The following MAML2 variants were observed in gnomAD, a reference collection of about 807,000 sequenced individuals.
MAML2 encodes mastermind-like protein 2.
Under a neutral mutation model 96.1 loss-of-function variants are expected in MAML2, and 22 were observed. That is an observed-to-expected ratio of 0.23 (90% CI 0.16 to 0.33). The LOEUF is 0.33. MAML2 is among the 10% of genes least tolerant of loss of function. The probability of loss-of-function intolerance (pLI) is 1.00; values close to 1 mark genes in which losing one functional copy is unlikely to be tolerated. For synonymous variants in MAML2, 561 were observed against 521.3 expected (o/e 1.08, Z -1.04); for missense variants, 1,367 against 1,392.4 (o/e 0.98, Z 0.29).
At chr11:96,259,390 T>C (rs930724796) in intron 1 of MAML2, among the ~76,000 whole-genome samples, 1 of 152,232 alleles carries the variant, frequency 6.6e-6, no homozygotes, top group African/African-American at 2.4e-5. Context: ...CAAGTGATTC[T>C]AATGTGCTTC....
intron 2 of MAML2, among the ~76,000 whole-genome samples, chr11:95,994,663 A>G (rs1857965089): frequency 6.6e-6 from 1 of 152,142 alleles, no homozygotes; most frequent in African/African-American, 2.4e-5. Context: ...TGGAGATGGT[A>G]GTTTGCTTTC....
intron 2 of MAML2, among the ~76,000 whole-genome samples, chr11:96,088,498 T>C (rs893581311): frequency 2.0e-5 from 3 of 152,202 alleles, no homozygotes; most frequent in African/African-American, 7.2e-5. Context: ...GACTTGAAGA[T>C]AAATCAGAAA....
intron 1 of MAML2, among the ~76,000 whole-genome samples, chr11:96,107,974 T>G (rs1029137379): frequency 1.3e-5 from 2 of 152,182 alleles, no homozygotes; most frequent in Non-Finnish European, 2.9e-5. Flanking sequence ...GTTAAGTGTT[T>G]CCCTGAGTTC....
intron 2 of MAML2, among the ~76,000 whole-genome samples, chr11:96,060,960 G>A (rs1859149735): frequency 6.6e-6 from 1 of 152,184 alleles, no homozygotes; most frequent in African/African-American, 2.4e-5. Flanking sequence ...GAGAACTCAA[G>A]AGGTTTAGTG....
At chr11:96,076,154 A>G (rs1224198097) in intron 2 of MAML2, among the ~76,000 whole-genome samples, 2 of 152,216 alleles carry the variant, frequency 1.3e-5, no homozygotes, top group Non-Finnish European at 2.9e-5. Context: ...CGTTTGAAAT[A>G]TCATCAAGCT....
At chr11:96,140,410 T>C (rs1294711283) in intron 1 of MAML2, among the ~76,000 whole-genome samples, 1 of 152,198 alleles carries the variant, frequency 6.6e-6, no homozygotes, top group African/African-American at 2.4e-5. Flanking sequence ...TGGTGAGGTA[T>C]GTAGTTTTGG....
At chr11:96,167,563 T>C (rs1861214126) in intron 1 of MAML2, among the ~76,000 whole-genome samples, 1 of 152,106 alleles carries the variant, frequency 6.6e-6, no homozygotes, top group Non-Finnish European at 1.5e-5. Context: ...CCATCACCCC[T>C]CTCCCAGGCA....
intron 1 of MAML2, among the ~76,000 whole-genome samples, chr11:96,112,334 T>C (rs200214716): frequency 2.0e-5 from 3 of 152,316 alleles, no homozygotes; most frequent in East Asian, 1.9e-4. Context: ...TCAGCAGCCA[T>C]GTTGTGTGGC....
At chr11:96,334,752 C>T (rs1006185980) in intron 1 of MAML2, among the ~76,000 whole-genome samples, 1 of 152,226 alleles carries the variant, frequency 6.6e-6, no homozygotes, top group Non-Finnish European at 1.5e-5. Flanking sequence ...CCCATGCATA[C>T]AATCTTGACG....
chr11:96,122,500 GTGTGTGTGT>G (rs1565221696), intron 1 of MAML2, among the ~76,000 whole-genome samples: 6 of 86,406 alleles, frequency 6.9e-5, no homozygotes, highest in East Asian at 3.1e-4. Context: ...TAGGCTGGGT[GTGTGTGTGT>G]GTGTGTGTGT....
At chr11:96,107,661 GT>G (rs1374412929) in intron 1 of MAML2, among the ~76,000 whole-genome samples, 1 of 152,218 alleles carries the variant, frequency 6.6e-6, no homozygotes, top group Non-Finnish European at 1.5e-5. Flanking sequence ...CTGATGAGAG[GT>G]TTGGGACTTT....
intron 2 of MAML2, among the ~76,000 whole-genome samples, chr11:96,025,875 T>G (rs1858509851): frequency 6.6e-6 from 1 of 152,168 alleles, no homozygotes; most frequent in African/African-American, 2.4e-5. Flanking sequence ...GTATAAATTA[T>G]TTTTTAAAAA....
chr11:96,123,036 C>G (rs967349973), intron 1 of MAML2, among the ~76,000 whole-genome samples: 20 of 152,206 alleles, frequency 1.3e-4, no homozygotes, highest in African/African-American at 4.8e-4. Flanking sequence ...TGCTGAGAGT[C>G]CAGCCTTCTA....
chr11:95,994,705 C>T (rs764585057), intron 2 of MAML2, among the ~76,000 whole-genome samples: 1 of 152,164 alleles, frequency 6.6e-6, no homozygotes, highest in Non-Finnish European at 1.5e-5. Context: ...TAGAAAGAGT[C>T]TGCTCTTTTC....
intron 2 of MAML2, among the ~76,000 whole-genome samples, chr11:96,062,184 T>G (rs143937604): frequency 6.6e-6 from 1 of 152,216 alleles, no homozygotes; most frequent in African/African-American, 2.4e-5. Context: ...TTGTGTTACA[T>G]GGAGTGACTC....
At chr11:95,981,852 A>C (rs1371467882) in intron 4 of MAML2, among the ~76,000 whole-genome samples, 1 of 152,172 alleles carries the variant, frequency 6.6e-6, no homozygotes, top group Non-Finnish European at 1.5e-5. Flanking sequence ...TAGAGGTTTT[A>C]AAAATTATCA....
Position 96,265,247 on chromosome 11 carries a change from G to A in MAML2, c.513+76136C>T, listed in dbSNP as rs116341394. Among the ~76,000 whole-genome samples, 1,234 of 152,290 alleles carry A rather than the reference G, an allele frequency of 8.1e-3. 28 individuals are homozygous for A. The highest frequency in any genetic ancestry group is 0.028 in the African/African-American group (1,173 of 41,548). ...AAAGTGGCTGGCTTTAGCGCGGGGA[G>A]GACGAGGGGAGAGTTGGCAGAGGCA... is the stretch of plus-strand genomic sequence containing the variant. On this transcript the variant is annotated intron_variant, in intron 1 of 4. Transcript: ENST00000524717.
At chr11:96,119,867 T>G (rs750329347) in intron 1 of MAML2, among the ~76,000 whole-genome samples, 3 of 152,220 alleles carry the variant, frequency 2.0e-5, no homozygotes, top group African/African-American at 4.8e-5. Flanking sequence ...GCAAGTTCAA[T>G]GAGAGGGCAT....
chr11:96,202,327 G>A (rs1294394570), intron 1 of MAML2, among the ~76,000 whole-genome samples: 1 of 148,410 alleles, frequency 6.7e-6, no homozygotes, highest in Admixed American at 6.7e-5. Flanking sequence ...CTCCAGCCTG[G>A]GTGACAGAGC....
Sources: allele counts gnomAD v4.1 joint callset (sites outside exome capture counted in the v4.1 genomes callset), GRCh38; gene constraint gnomAD v4.1.1; transcripts MANE v1.5; gene names NCBI Gene and HGNC (gene_info 2026-07-23, HGNC 2026-07-21).